NAV1: variants seen among roughly 807,000 people sequenced by gnomAD.
NAV1 encodes the protein pore membrane and/or filament interacting like protein 3.
Under a neutral mutation model 175.2 loss-of-function variants are expected in NAV1, and 18 were observed. The ratio of observed to expected loss-of-function variants is 0.10; its 90% CI spans 0.07 to 0.15. The LOEUF is 0.15. Ranked by LOEUF, NAV1 falls within the 10% of genes least tolerant of loss-of-function variation. The pLI is 1.00. For missense variants in NAV1, 1,731 were observed against 2,436.6 expected (o/e 0.71, Z 6.10); for synonymous variants, 897 against 978.7 (o/e 0.92, Z 1.56).
At chr1:201,637,098 G>A (rs1419951152) in intron 2 of NAV1, among the ~76,000 whole-genome samples, 2 of 152,160 alleles carry the variant, frequency 1.3e-5, no homozygotes, top group African/African-American at 4.8e-5. Context: ...TCCTCTGTGA[G>A]GTTTAATACC....
At chr1:201,559,171 C>G (rs1425901587) in intron 1 of NAV1, among the ~76,000 whole-genome samples, 1 of 152,150 alleles carries the variant, frequency 6.6e-6, no homozygotes, top group East Asian at 1.9e-4. Flanking sequence ...GTTGATAGCT[C>G]TTGGCCTTCT....
intron 25 of NAV1, 56 bp from the exon 30 acceptor site, chr1:201,811,847 A>C: frequency 1.9e-6 from 3 of 1,612,794 alleles, no homozygotes; most frequent in Non-Finnish European, 2.5e-6. Context: ...TGCATGTGGC[A>C]GAAAGCAAGT....
At chr1:201,739,932 A>G (rs1033921262) in intron 3 of NAV1, 2 of 1,361,376 alleles carry the variant, frequency 1.5e-6, no homozygotes, top group African/African-American at 1.5e-5. Flanking sequence ...CCCACAGCTC[A>G]TACCTTTTCG....
chr1:201,782,393 T>G lies in NAV1; in HGVS notation c.1881T>G (p.Thr627=). 1.2e-6 allele frequency: 2 copies of G among 1,614,072 alleles called. No individual in the cohort carries two copies. Among genetic ancestry groups the G allele is most frequent in the Non-Finnish European group, 1.7e-6 (2 of 1,180,000 alleles). ...TCATGCAAACTGGTGGTTCAGCCACTCTCAGCAAGATCCAGAAGTCCTCAG... is the reference window on the plus strand; with the variant it reads ...TCATGCAAACTGGTGGTTCAGCCACGCTCAGCAAGATCCAGAAGTCCTCAG... The change falls in exon 6 of 30, where the codon ACT becomes ACG. Residue 627 remains threonine, a synonymous_variant. Transcript: ENST00000367296. This position sits in a 1 kb window ranked among gnomAD's most constrained non-coding sequence, Gnocchi z 5.4.
At chr1:201,631,867 C>T (rs1043603474) in intron 2 of NAV1, among the ~76,000 whole-genome samples, 5 of 152,024 alleles carry the variant, frequency 3.3e-5, no homozygotes, top group Non-Finnish European at 7.4e-5. Context: ...ATGTATCTTC[C>T]CTTCCTGACC....
At chr1:201,712,621 G>A (rs1195149555) in intron 1 of NAV1, among the ~76,000 whole-genome samples, 196 bp from the exon 6 acceptor site, 1 of 152,176 alleles carries the variant, frequency 6.6e-6, no homozygotes, top group Non-Finnish European at 1.5e-5. Flanking sequence ...GGGGTTCAGA[G>A]GGCTCAATGG....
intron 1 of NAV1, among the ~76,000 whole-genome samples, chr1:201,561,649 G>A (rs1666203196): frequency 6.6e-6 from 1 of 152,230 alleles, no homozygotes; most frequent in Admixed American, 6.5e-5. Context: ...GCTCCCCACA[G>A]ATACAGAAGT....
chr1:201,714,655 G>A (rs1322650975), intron 2 of NAV1, among the ~76,000 whole-genome samples: 1 of 152,126 alleles, frequency 6.6e-6, no homozygotes, highest in African/African-American at 2.4e-5. Flanking sequence ...TATCAGTTTA[G>A]GACCCAGCGG....
upstream of NAV1, among the ~76,000 whole-genome samples, chr1:201,643,755 C>A (rs1571859583): frequency 6.6e-6 from 1 of 152,046 alleles, no homozygotes; most frequent in Non-Finnish European, 1.5e-5. Context: ...GACAGCCTTC[C>A]CACCCTCTCC....
chr1:201,611,107 C>A (rs577489700), intron 2 of NAV1, among the ~76,000 whole-genome samples: 1 of 152,210 alleles, frequency 6.6e-6, no homozygotes, highest in African/African-American at 2.4e-5. Flanking sequence ...GCTTCCCCTG[C>A]TTCCTGCCAA....
At chr1:201,564,011 C>A (rs1034699685) in intron 1 of NAV1, among the ~76,000 whole-genome samples, 3 of 152,022 alleles carry the variant, frequency 2.0e-5, no homozygotes, top group Non-Finnish European at 4.4e-5. Flanking sequence ...GTGGGAAGAT[C>A]TCTTGAGTCC....
In NAV1 at chr1:201,785,367, G is replaced by GT. The variant is rs1230126239; in HGVS notation, c.2846+22dup. 6 of 1,608,168 alleles carry GT rather than the reference G, an allele frequency of 3.7e-6. No homozygotes were observed. The highest frequency in any genetic ancestry group is 1.7e-5 in the Admixed American group (1 of 59,418). ...AAGGGCTCAGGTAACCCTTTAATGT[G>GT]TTTTTTCTTCCCTATAAATGGGACT... On this transcript the variant is annotated intron_variant, in intron 8 of 29. Transcript: ENST00000367296.
rs1263961492 is a variant in NAV1, at chr1:201,808,220, G to A, written c.3845+71G>A. The A allele has an allele frequency of 4.5e-6, 7 of 1,554,602 alleles. No individual in the cohort carries two copies. In the East Asian group the frequency reaches 1.1e-4, roughly 25 times the overall value. On this transcript the variant is annotated intron_variant, in intron 18 of 29. Coordinates refer to ENST00000367296, the Ensembl canonical transcript of NAV1. This position sits in a 1 kb window ranked among gnomAD's most constrained non-coding sequence, Gnocchi z 5.5. ...AGCTGTGGGCTAGAGTTGACAGGAGGCCATTAGACCTTAGACAAGCAGTAC... is the reference window on the plus strand; with the variant it reads ...AGCTGTGGGCTAGAGTTGACAGGAGACCATTAGACCTTAGACAAGCAGTAC...
intron 2 of NAV1, among the ~76,000 whole-genome samples, chr1:201,642,004 C>A (rs1668770037): frequency 6.7e-6 from 1 of 148,802 alleles, no homozygotes; most frequent in African/African-American, 2.5e-5. Flanking sequence ...CCTTTATTCC[C>A]TTCCTTCTCT....
chr1:201,740,417 G>A lies in NAV1; in HGVS notation c.1226+21662G>A, dbSNP rs1489885597. The stretch of plus-strand genomic sequence containing the variant: ...GCTGAGACAATAGCGCAACTTGATT[G>A]AACTTCGATGGTTGCGGCTGTGGCG... On this transcript the variant is annotated intron_variant, in intron 3 of 29. Transcript: ENST00000367296. The surrounding 1 kb of genome is among the most constrained non-coding windows in gnomAD (Gnocchi z 4.7). Among the ~76,000 whole-genome samples the A allele has an allele frequency of 1.3e-5, 2 of 152,168 alleles. No individual in the cohort carries two copies. The highest frequency in any genetic ancestry group is 2.9e-5 in the Non-Finnish European group (2 of 68,032).
At chr1:201,800,511 T>C (rs2644123) in intron 15 of NAV1, among the ~76,000 whole-genome samples, 34,709 of 152,164 alleles carry the variant, frequency 0.23, 4,722 homozygotes, top group Admixed American at 0.31. Context: ...TTTCATGCTA[T>C]AACAGCAGAA....
intron 1 of NAV1, among the ~76,000 whole-genome samples, chr1:201,627,444 T>G (rs992686013): frequency 3.3e-5 from 5 of 152,028 alleles, no homozygotes; most frequent in Non-Finnish European, 7.4e-5. Context: ...GGCTAATTTT[T>G]GTATTTTTAG....
intron 2 of NAV1, among the ~76,000 whole-genome samples, chr1:201,639,686 A>C (rs1668696933): frequency 6.6e-6 from 1 of 152,026 alleles, no homozygotes; most frequent in Non-Finnish European, 1.5e-5. Context: ...CGTCTGGAAC[A>C]GGCCCTCCCA....
chr1:201,787,601 C>G lies in NAV1; in HGVS notation c.2996-867C>G. On this transcript the variant is annotated intron_variant, in intron 9 of 29. Transcript: ENST00000367296. The surrounding 1 kb of genome is among the most constrained non-coding windows in gnomAD (Gnocchi z 4.3). ...AGGGGCTGGGCTAAGCAATAATTAC[C>G]TCAGGAATTTGAAAAGGTCAACAGA... 4.4e-6 allele frequency: 2 copies of G among 453,346 alleles called. No individual in the cohort carries two copies. Among genetic ancestry groups the G allele is most frequent in the South Asian group, 3.1e-5 (2 of 63,834 alleles). The allele number at this position is 453,346 out of a possible 1,614,324, so 28.1% of individuals were successfully genotyped here. A position where few individuals can be genotyped will look rare whatever the true frequency, so the allele number is the denominator to read the frequency against.
Sources: allele counts gnomAD v4.1 joint callset (sites outside exome capture counted in the v4.1 genomes callset), GRCh38; gene constraint gnomAD v4.1.1; non-coding constraint Gnocchi (gnomAD v3.1); transcripts MANE v1.5; gene names NCBI Gene and HGNC (gene_info 2026-07-23, HGNC 2026-07-21).